Variants in KIF5C observed in about 807,000 individuals in gnomAD.
KIF5C encodes the protein kinesin family member 5C, also known as kinesin heavy chain isoform 5C.
Under a neutral mutation model 125.2 loss-of-function variants are expected in KIF5C, and 18 were observed. That is an observed-to-expected ratio of 0.14 (90% CI 0.10 to 0.21). The LOEUF is 0.21. Ranked by LOEUF, KIF5C falls within the 10% of genes least tolerant of loss-of-function variation. The probability of loss-of-function intolerance (pLI) is 1.00; values close to 1 mark genes in which losing one functional copy is unlikely to be tolerated. For missense variants in KIF5C, 780 were observed against 1,183.8 expected, an observed-to-expected ratio of 0.66 and a Z score of 5.01; for synonymous variants, 405 against 434.0, an observed-to-expected ratio of 0.93 and a Z score of 0.83.
At chr2:149,010,424 T>C in intron 24 of KIF5C, 73 bp downstream of exon 24, 1 of 1,474,888 alleles carries the variant, frequency 6.8e-7, no homozygotes, top group Admixed American at 2.5e-5. Flanking sequence ...TGCTAAAAGG[T>C]GAAGACAGCG....
intron 23 of KIF5C, 140 bp from the exon 24 acceptor site, chr2:149,009,995 C>T (rs968297609): frequency 7.4e-7 from 1 of 1,360,492 alleles, no homozygotes; most frequent in East Asian, 2.6e-5. Context: ...GTTTTCCTTT[C>T]CTTTCTGTGG....
intron 25 of KIF5C, among the ~76,000 whole-genome samples, chr2:149,014,720 C>G (rs941227775): frequency 6.6e-6 from 1 of 152,202 alleles, no homozygotes; most frequent in Non-Finnish European, 1.5e-5. Flanking sequence ...TATAGATGAG[C>G]ACTGCAGAAG....
chr2:149,011,100 G>A (rs1010480402), intron 24 of KIF5C, among the ~76,000 whole-genome samples: 3 of 150,236 alleles, frequency 2.0e-5, no homozygotes, highest in East Asian at 3.9e-4. Flanking sequence ...GCAGTTTCAC[G>A]TTTCTAGTTT....
intron 10 of KIF5C, among the ~76,000 whole-genome samples, chr2:148,958,933 G>A (rs567882655): frequency 4.4e-4 from 67 of 151,644 alleles, no homozygotes; most frequent in Non-Finnish European, 7.7e-4. Context: ...GCAGTGAGCC[G>A]AGATTGTGCC....
Position 149,000,644 on chromosome 2 carries a change from T to A in KIF5C, c.2313-78T>A. The A allele has an allele frequency of 1.9e-6, 3 of 1,592,642 alleles. 1 individual carries two copies. In the South Asian group the frequency reaches 3.4e-5, roughly 18 times the overall value. On this transcript the variant is annotated intron_variant, in intron 20 of 25. Transcript: ENST00000435030. Reference sequence around the variant, plus strand: ...GTGCTTGTTGGTGGGTTTTGTTGATTTATCTGTGGATGCAAATAGTATCTG... The same window carrying A: ...GTGCTTGTTGGTGGGTTTTGTTGATATATCTGTGGATGCAAATAGTATCTG...
intron 18 of KIF5C, 46 bp from the exon 19 acceptor site, chr2:148,998,354 G>A (rs1165217423): frequency 1.3e-6 from 2 of 1,551,458 alleles, no homozygotes; most frequent in Admixed American, 3.9e-5. Context: ...AGAGTGGGCT[G>A]AGTGCCAACG....
chr2:148,921,910 A>T (rs1442885287), intron 1 of KIF5C, among the ~76,000 whole-genome samples: 1 of 152,118 alleles, frequency 6.6e-6, no homozygotes, highest in African/African-American at 2.4e-5. Flanking sequence ...AAGTGGTTCA[A>T]TTTAAATTTT....
rs1277725327 is a variant in KIF5C at position 148,875,254 on chromosome 2, G to C, written c.-364G>C. On this transcript the variant is annotated 5_prime_UTR_variant, in exon 1 of 26. Transcript: ENST00000435030. ...AGCGCGCTGGTGCTGATGCAGGATG[G>C]CTGAGCGCGCAGGAGCCCGGGAGGT... 1.0e-5 allele frequency: 2 copies of C among 196,306 alleles called. No individual in the cohort carries two copies. The highest frequency in any genetic ancestry group is 1.0e-5 in the Non-Finnish European group (1 of 97,292). The allele number at this position is 196,306 out of a possible 1,614,324, so 12.2% of individuals were successfully genotyped here. A position where few individuals can be genotyped will look rare whatever the true frequency, so the allele number is the denominator to read the frequency against.
At chr2:148,961,940 C>A in intron 10 of KIF5C, 31 bp from the exon 11 acceptor site, 2 of 1,594,986 alleles carry the variant, frequency 1.3e-6, no homozygotes, top group Non-Finnish European at 1.7e-6. Context: ...TAATAATTAG[C>A]TGAATTGTCC....
intron 17 of KIF5C, among the ~76,000 whole-genome samples, chr2:148,996,310 C>T (rs530720171): frequency 5.9e-5 from 9 of 152,288 alleles, no homozygotes; most frequent in East Asian, 1.9e-4. Context: ...TTGTGTCAGA[C>T]GCCAAGGCAA....
chr2:148,969,467 G>GTGTGTGTGTGTGT (rs1286684779), intron 11 of KIF5C, among the ~76,000 whole-genome samples: 6 of 148,744 alleles, frequency 4.0e-5, no homozygotes, highest in African/African-American at 1.5e-4. Context: ...GTGTGTATGT[G>GTGTGTGTGTGTGT]TGTGGGGAGG....
At position 148,879,389 on chromosome 2, in the gene KIF5C, T is replaced by C. The variant is rs375827899; in HGVS notation, c.126+3646T>C. ...ATTGGCCGTAGGCTGTGGGGAGTAG[T>C]TAAAAAATAATTTTAAAGATAAGTG... On this transcript the variant is annotated intron_variant, in intron 1 of 25. Transcript: ENST00000435030. The C allele has an allele frequency of 3.3e-5, 5 of 152,290 alleles. No homozygotes were observed. The East Asian group carries it at 9.6e-4, about 29-fold the overall frequency. 9.4% of individuals were successfully genotyped at this position (152,290 alleles called of 1,614,324 possible).
chr2:148,888,662 T>TA (rs1443381119), intron 1 of KIF5C: 2 of 152,078 alleles, frequency 1.3e-5, no homozygotes, highest in Admixed American at 1.3e-4. Context: ...TCCTCCTTTG[T>TA]AAGTGGCAAA....
In KIF5C at chr2:148,981,338, C is replaced by T. The variant is rs551780813; in HGVS notation, c.1363-17C>T. The stretch of plus-strand genomic sequence containing the variant: ...GAACATTAGATTCACAAGTTCCATG[C>T]CATCTCATTTCCCCAGCTTTTAGCT... On this transcript the variant is annotated splice_polypyrimidine_tract_variant and intron_variant, in intron 13 of 25. Transcript: ENST00000435030. 3.1e-4 allele frequency: 495 copies of T among 1,597,148 alleles called. 9 individuals carry two copies. In the South Asian group the frequency reaches 5.3e-3, roughly 17 times the overall value.
Position 148,875,586 on chromosome 2 carries a change from A to AAC in KIF5C, c.-32_-31insAC. 1.1e-5 allele frequency: 3 copies of AAC among 269,936 alleles called. No homozygotes were observed. The highest frequency in any genetic ancestry group is 2.0e-5 in the Non-Finnish European group (3 of 153,598). 16.7% of individuals were successfully genotyped at this position (269,936 alleles called of 1,614,324 possible). On this transcript the variant is annotated 5_prime_UTR_variant, in exon 1 of 26. Transcript: ENST00000435030. ...CGTTCCCGGCCCCGGCCCCCCACCC[A>AAC]TCCCCGTGCCCCCTCCCTACCGCCG...
chr2:149,007,941 T>C, intron 22 of KIF5C, 22 bp from the exon 23 acceptor site: 1 of 1,565,026 alleles, frequency 6.4e-7, no homozygotes, highest in African/African-American at 1.3e-5. Context: ...CCTGTCCTGC[T>C]GACCCCTTGG....
At chr2:148,903,697 T>C (rs934447958) in intron 1 of KIF5C, among the ~76,000 whole-genome samples, 1 of 152,188 alleles carries the variant, frequency 6.6e-6, no homozygotes, top group African/African-American at 2.4e-5. Flanking sequence ...GCAGTATTAT[T>C]ATCATCCTCA....
chr2:148,896,629 A>G (rs920648651), intron 1 of KIF5C, among the ~76,000 whole-genome samples: 1 of 152,220 alleles, frequency 6.6e-6, no homozygotes, highest in South Asian at 2.1e-4. Flanking sequence ...TCTTAGCATC[A>G]TTATGCCTTG....
chr2:148,955,450 A>G (rs1558915739), intron 10 of KIF5C, among the ~76,000 whole-genome samples: 1 of 152,192 alleles, frequency 6.6e-6, no homozygotes, highest in Non-Finnish European at 1.5e-5. Flanking sequence ...TGGAGAAGAC[A>G]AAAATTGTGC....
Sources: allele counts gnomAD v4.1 joint callset (sites outside exome capture counted in the v4.1 genomes callset), GRCh38; gene constraint gnomAD v4.1.1; transcripts MANE v1.5; gene names NCBI Gene and HGNC (gene_info 2026-07-23, HGNC 2026-07-21).